ANKFN1: variants seen among roughly 807,000 people sequenced by gnomAD.
The protein encoded by ANKFN1 is ankyrin repeat and fibronectin type III domain containing 1, also known as ankyrin repeat and fibronectin type-III domain-containing protein 1.
In ANKFN1, 74 loss-of-function variants were observed where a neutral mutation model predicts 108.7. The ratio of observed to expected loss-of-function variants is 0.68; its 90% confidence interval spans 0.56 to 0.83. The LOEUF is 0.83. Among genes scored for constraint, ANKFN1 ranks in the 40% least tolerant of loss-of-function variants. ANKFN1 has a pLI of 0.00. For synonymous variants in ANKFN1, 547 were observed against 516.2 expected, an observed-to-expected ratio of 1.06 and a Z score of -0.81; for missense variants, 1,505 against 1,382.3, an observed-to-expected ratio of 1.09 and a Z score of -1.41.
chr17:56,218,556 A>C (rs1915608213), intron 2 of ANKFN1, among the ~76,000 whole-genome samples: 1 of 151,906 alleles, frequency 6.6e-6, no homozygotes, highest in Non-Finnish European at 1.5e-5. Context: ...GGGACTTCAC[A>C]CATGTTGTTT....
intron 8 of ANKFN1, among the ~76,000 whole-genome samples, chr17:56,427,701 T>C (rs1393381683): frequency 2.0e-5 from 3 of 152,096 alleles, no homozygotes; most frequent in Non-Finnish European, 4.4e-5. Context: ...TGTCTGAGCT[T>C]TACATAGTGG....
At chr17:56,374,452 T>C (rs1433615607) in intron 7 of ANKFN1, 149 bp from the exon 8 acceptor site, 1 of 626,144 alleles carries the variant, frequency 1.6e-6, no homozygotes. Context: ...TTGAGACGTC[T>C]AATGAAAATG....
rs569290488 is a variant in ANKFN1 at position 56,075,420 on chromosome 17, A to G, written c.288+29095A>G. On this transcript the variant is annotated intron_variant, in intron 4 of 12. Transcript: ENST00000635860. ...AAACTAGAGTATGCTAACAAATTTT[A>G]GAAAATCTGTTCTCAGCATCTCCTC... Among the ~76,000 whole-genome samples, 5 of 152,274 alleles carry G rather than the reference A, an allele frequency of 3.3e-5. No individual in the cohort carries two copies. The East Asian group carries it at 9.7e-4, about 30-fold the overall frequency.
intron 8 of ANKFN1, among the ~76,000 whole-genome samples, chr17:56,425,874 T>C (rs148288519): frequency 5.9e-4 from 90 of 152,326 alleles, no homozygotes; most frequent in African/African-American, 2.1e-3. Context: ...ACTGTTACTG[T>C]CTGTAGGATA....
At chr17:56,196,330 T>C (rs1913503146) in intron 1 of ANKFN1, among the ~76,000 whole-genome samples, 1 of 152,160 alleles carries the variant, frequency 6.6e-6, no homozygotes, top group Non-Finnish European at 1.5e-5. Flanking sequence ...ATATAAAGAA[T>C]TATTGTTTCC....
intron 8 of ANKFN1, among the ~76,000 whole-genome samples, chr17:56,382,482 T>C (rs2047134215): frequency 6.6e-6 from 1 of 152,126 alleles, no homozygotes; most frequent in Non-Finnish European, 1.5e-5. Context: ...CATAACAATA[T>C]TAACTTTAAA....
At chr17:56,178,227 A>G (rs1286852290) in intron 1 of ANKFN1, among the ~76,000 whole-genome samples, 2 of 152,230 alleles carry the variant, frequency 1.3e-5, no homozygotes, top group African/African-American at 4.8e-5. Context: ...CTGATCCATC[A>G]GTCTGCTTCA....
chr17:56,077,833 G>T (rs1328247420), intron 4 of ANKFN1, among the ~76,000 whole-genome samples: 1 of 152,050 alleles, frequency 6.6e-6, no homozygotes, highest in African/African-American at 2.4e-5. Flanking sequence ...CCAGAACCAA[G>T]GAGAGACAGG....
At chr17:56,473,549 G>C (rs2050394458) in intron 15 of ANKFN1, 1 of 149,924 alleles carries the variant, frequency 6.7e-6, no homozygotes, top group African/African-American at 2.5e-5. Context: ...TGTAATCCCA[G>C]CTACTCGGGA....
intron 15 of ANKFN1, chr17:56,472,738 A>G (rs1014294955): frequency 3.3e-5 from 5 of 152,238 alleles, no homozygotes; most frequent in African/African-American, 9.6e-5. Context: ...AGCAGTACAA[A>G]CAGTGTACTA....
intron 1 of ANKFN1, among the ~76,000 whole-genome samples, chr17:56,179,810 G>T (rs1477189242): frequency 6.6e-6 from 1 of 152,154 alleles, no homozygotes; most frequent in Non-Finnish European, 1.5e-5. Flanking sequence ...CTGGTGTTTA[G>T]TGGACACATA....
intron 8 of ANKFN1, among the ~76,000 whole-genome samples, chr17:56,375,363 G>A (rs1406583490): frequency 2.6e-5 from 4 of 152,152 alleles, no homozygotes; most frequent in Non-Finnish European, 4.4e-5. Context: ...CAAACTAAGG[G>A]AACAAGTAGA....
intron 3 of ANKFN1, among the ~76,000 whole-genome samples, chr17:56,307,544 G>C (rs1239155289): frequency 6.6e-6 from 1 of 152,204 alleles, no homozygotes; most frequent in Non-Finnish European, 1.5e-5. Flanking sequence ...TCTCACACCA[G>C]TTAGAATGGC....
At chr17:56,087,805 A>C (rs1333219857) in intron 4 of ANKFN1, among the ~76,000 whole-genome samples, 1 of 151,398 alleles carries the variant, frequency 6.6e-6, no homozygotes, top group East Asian at 1.9e-4. Context: ...CCTATAATCC[A>C]TGGCGGCTTT....
chr17:56,150,076 A>G (rs564202633), upstream of ANKFN1, among the ~76,000 whole-genome samples: 176 of 152,218 alleles, frequency 1.2e-3, no homozygotes, highest in Admixed American at 2.4e-3. Context: ...GAATATTTCT[A>G]CGTAAGTTTT....
At chr17:56,413,555 T>C (rs1438597272) in intron 8 of ANKFN1, among the ~76,000 whole-genome samples, 2 of 152,212 alleles carry the variant, frequency 1.3e-5, no homozygotes, top group Non-Finnish European at 2.9e-5. Flanking sequence ...ATATTGGCTG[T>C]GGGTTTGTCA....
At chr17:56,226,721 A>G (rs911223570) in intron 2 of ANKFN1, among the ~76,000 whole-genome samples, 11 of 152,164 alleles carry the variant, frequency 7.2e-5, no homozygotes, top group Non-Finnish European at 1.5e-4. Context: ...TAACAACACC[A>G]GGTGGAATTG....
Position 56,449,186 on chromosome 17 carries a change from G to A in ANKFN1, c.1207G>A (p.Glu403Lys). 3.7e-6 allele frequency: 6 copies of A among 1,612,354 alleles called. No homozygotes were observed. Among genetic ancestry groups the A allele is most frequent in the Non-Finnish European group, 4.2e-6 (5 of 1,178,904 alleles). ...CCTTCATCAGCATTACAGTTGCCGG[G>A]GTAAGGATAAAAATCTGTGCTGGGC... Reference protein sequence around the residue: ...RALHQHYSCRESTKLQTTGRK... With the variant: ...RALHQHYSCRKSTKLQTTGRK... The change falls in exon 11 of 21, where the codon GAA becomes AAA. Residue 403 changes from glutamate (E) to lysine (K), a missense_variant and splice_region_variant. Transcript: ENST00000682825.
intron 3 of ANKFN1, among the ~76,000 whole-genome samples, chr17:56,265,739 T>C (rs1041513912): frequency 2.0e-5 from 3 of 152,226 alleles, no homozygotes; most frequent in African/African-American, 7.2e-5. Flanking sequence ...ATACACATCC[T>C]CTTATTTACT....
Sources: allele counts gnomAD v4.1 joint callset (sites outside exome capture counted in the v4.1 genomes callset), GRCh38; gene constraint gnomAD v4.1.1; transcripts MANE v1.5; gene names NCBI Gene and HGNC (gene_info 2026-07-23, HGNC 2026-07-21).